Variants in ADGRL4 observed in about 807,000 individuals in gnomAD.
ADGRL4 encodes EGF, latrophilin and seven transmembrane domain containing 1.
In ADGRL4, 90 loss-of-function variants were observed where a neutral mutation model predicts 74.8. The ratio of observed to expected loss-of-function variants is 1.20; its 90% CI spans 1.02 to 1.43. The LOEUF (loss-of-function observed/expected upper bound fraction) is 1.43. Among genes scored for constraint, ADGRL4 ranks in the 40% most tolerant of loss-of-function variants. The probability of loss-of-function intolerance (pLI) is 0.00; values close to 1 mark genes in which losing one functional copy is unlikely to be tolerated. For synonymous variants in ADGRL4, 311 were observed against 279.2 expected, an observed-to-expected ratio of 1.11 and a Z score of -1.14; for missense variants, 881 against 814.3, an observed-to-expected ratio of 1.08 and a Z score of -1.00.
chr1:78,927,183 AT>A, intron 7 of ADGRL4, 92 bp from the exon 8 acceptor site: 1 of 816,394 alleles, frequency 1.2e-6, no homozygotes, highest in Non-Finnish European at 1.9e-6. Flanking sequence ...ATAGACAAAC[AT>A]TTTACTTTAG....
At chr1:78,960,546 G>A (rs1649929176) in intron 2 of ADGRL4, among the ~76,000 whole-genome samples, 2 of 152,116 alleles carry the variant, frequency 1.3e-5, no homozygotes, top group African/African-American at 2.4e-5. Context: ...ATGGAGTTAC[G>A]AGGAAATTGG....
chr1:78,927,032 C>A lies in ADGRL4; in HGVS notation c.937G>T (p.Asp313Tyr), dbSNP rs757025504. 2 of 1,609,700 alleles carry A rather than the reference C, an allele frequency of 1.2e-6. No homozygotes were observed. The highest frequency in any genetic ancestry group is 1.1e-5 in the South Asian group (1 of 90,968). ...KSIGPLLSSS[D>Y]NFLLKPQNYD... is the part of the protein sequence containing the mutation. The stretch of plus-strand genomic sequence containing the variant: ...TTTTGAGGTTTCAATAAGAAGTTGT[C>A]AGATGATGAAAGCAAAGGACCAATA... Residue 313 changes from aspartate to tyrosine, a missense_variant, in exon 8 of 15, where the codon GAC becomes TAC. Asp to Tyr is a radical substitution (Grantham distance 160). Coordinates refer to ENST00000370742, the MANE Select transcript of ADGRL4 (RefSeq NM_022159.4).
intron 2 of ADGRL4, among the ~76,000 whole-genome samples, chr1:78,961,745 T>G (rs2100708809): frequency 6.6e-6 from 1 of 152,270 alleles, no homozygotes; most frequent in African/African-American, 2.4e-5. Context: ...AGATGCTCTT[T>G]CTGGGTGGAT....
intron 2 of ADGRL4, among the ~76,000 whole-genome samples, chr1:78,972,472 GTC>G (rs1650189500): frequency 1.3e-5 from 2 of 152,056 alleles, no homozygotes; most frequent in African/African-American, 4.8e-5. Flanking sequence ...CGAAACATGA[GTC>G]TCTTCCATAA....
In ADGRL4 at chr1:78,937,845, T is replaced by C. The variant is rs1382707427; in HGVS notation, c.722A>G (p.Gln241Arg). Residue 241 changes from glutamine to arginine, a missense_variant, in exon 6 of 15, where the codon CAA becomes CGA. Transcript: ENST00000370742. ...ATTTGTATCAAACTCTGTGGTCTTT[T>C]GGAAGCTCTGGGATATCCTTAAAGT... Reference protein sequence around the residue: ...QATLRISQSFQKTTEFDTNST... With the variant: ...QATLRISQSFRKTTEFDTNST... 1.2e-6 allele frequency: 2 copies of C among 1,613,338 alleles called. No individual in the cohort carries two copies. The highest frequency in any genetic ancestry group is 1.7e-6 in the Non-Finnish European group (2 of 1,179,792).
chr1:78,915,331 T>C (rs1648849096), intron 12 of ADGRL4, among the ~76,000 whole-genome samples: 1 of 151,860 alleles, frequency 6.6e-6, no homozygotes, highest in Non-Finnish European at 1.5e-5. Context: ...AAATGCTCAT[T>C]ATAATCTGGT....
Position 78,921,673 on chromosome 1 carries a change from G to A in ADGRL4, c.1197C>T (p.Thr399=). ...CELTYSNETH[T]SCRCNHLTHF... The stretch of plus-strand genomic sequence containing the variant: ...GTGTCAGGTGATTACAGCGGCATGA[G>A]GTGTGGGTCTCATTTGAGTATGTCA... Residue 399 remains threonine (T), a synonymous_variant, in exon 9 of 15, where the codon ACC becomes ACT. Transcript: ENST00000370742. The A allele has an allele frequency of 6.2e-7, 1 of 1,601,894 alleles. No individual in the cohort carries two copies. The highest frequency in any genetic ancestry group is 1.1e-5 in the South Asian group (1 of 89,858).
chr1:78,916,825 C>T (rs1260660044), intron 12 of ADGRL4, among the ~76,000 whole-genome samples: 5 of 151,862 alleles, frequency 3.3e-5, no homozygotes, highest in Non-Finnish European at 5.9e-5. Flanking sequence ...ACAATTCATT[C>T]CACTCTAGAG....
At chr1:79,002,899 C>CATGCA (rs1045184752) in intron 2 of ADGRL4, among the ~76,000 whole-genome samples, 21 of 152,086 alleles carry the variant, frequency 1.4e-4, no homozygotes, top group African/African-American at 5.1e-4. Context: ...CCATGCAAAA[C>CATGCA]AAATTATAAA....
intron 7 of ADGRL4, among the ~76,000 whole-genome samples, chr1:78,933,405 A>G (rs532015192): frequency 6.6e-6 from 1 of 151,552 alleles, no homozygotes; most frequent in Non-Finnish European, 1.5e-5. Context: ...ATTATCAACA[A>G]ACTTGATACT....
intron 8 of ADGRL4, among the ~76,000 whole-genome samples, chr1:78,925,139 T>G (rs984682516): frequency 6.6e-6 from 1 of 151,918 alleles, no homozygotes; most frequent in African/African-American, 2.4e-5. Flanking sequence ...TTGGGATGGA[T>G]GTAGTGGGCC....
chr1:78,981,955 C>CT (rs1256206342), intron 2 of ADGRL4, among the ~76,000 whole-genome samples: 1 of 151,630 alleles, frequency 6.6e-6, no homozygotes, highest in Admixed American at 6.6e-5. Context: ...TACTTTTAGT[C>CT]TTCTTTGTAA....
intron 2 of ADGRL4, among the ~76,000 whole-genome samples, chr1:78,987,253 C>A (rs368821491): frequency 6.6e-6 from 1 of 151,726 alleles, no homozygotes; most frequent in Admixed American, 6.6e-5. Flanking sequence ...TCAGCAATAG[C>A]AGTTTTGTCC....
At position 78,920,310 on chromosome 1, in the gene ADGRL4, C is replaced by A; in HGVS notation, c.1334G>T (p.Cys445Phe). 6.2e-7 allele frequency: 1 copy of A among 1,610,910 alleles called. No homozygotes were observed. The highest frequency in any genetic ancestry group is 8.5e-7 in the Non-Finnish European group (1 of 1,177,818). ...IIISLICLAI[C>F]IFTFWFFSEI... ...ACTGAAGAACCAGAAGGTAAAAATG[C>A]ATATGGCAAGACAAATCAGTGAAAT... The change falls in exon 10 of 15, where the codon TGC becomes TTC. Residue 445 changes from cysteine to phenylalanine, a missense_variant. By Grantham distance (205) the Cys-to-Phe change is radical. Transcript: ENST00000370742.
chr1:78,926,177 G>T (rs372246128), intron 8 of ADGRL4, among the ~76,000 whole-genome samples: 1 of 151,956 alleles, frequency 6.6e-6, no homozygotes, highest in Non-Finnish European at 1.5e-5. Flanking sequence ...CAACTTCAAG[G>T]TACTTCAAAT....
chr1:78,980,039 T>C (rs1650367617), intron 2 of ADGRL4, among the ~76,000 whole-genome samples: 1 of 151,878 alleles, frequency 6.6e-6, no homozygotes, highest in Non-Finnish European at 1.5e-5. Flanking sequence ...ACTATTGAAA[T>C]AAAATTTAAA....
intron 12 of ADGRL4, among the ~76,000 whole-genome samples, chr1:78,901,524 C>A (rs1252423487): frequency 6.6e-6 from 1 of 152,166 alleles, no homozygotes; most frequent in East Asian, 1.9e-4. Flanking sequence ...AACTCTTTCT[C>A]TTTGGAAACT....
intron 2 of ADGRL4, among the ~76,000 whole-genome samples, chr1:78,948,697 T>C (rs1649662856): frequency 6.6e-6 from 1 of 152,142 alleles, no homozygotes; most frequent in African/African-American, 2.4e-5. Flanking sequence ...AAAGTAGATA[T>C]GTATGTCTAT....
intron 2 of ADGRL4, among the ~76,000 whole-genome samples, chr1:78,998,890 C>T (rs971573673): frequency 6.6e-6 from 1 of 152,060 alleles, no homozygotes; most frequent in Non-Finnish European, 1.5e-5. Context: ...GGGGATAACA[C>T]CAGCCCTTAC....
Sources: gnomAD v4.1 joint callset for allele counts (sites outside exome capture counted in the v4.1 genomes callset) on GRCh38, gnomAD v4.1.1 for gene constraint, MANE v1.5 for transcripts, NCBI Gene and HGNC (gene_info 2026-07-23, HGNC 2026-07-21) for gene names.